Variants in ADGRL3 observed in about 807,000 individuals in gnomAD.
ADGRL3 encodes calcium-independent alpha-latrotoxin receptor 3.
A neutral mutation model predicts 153.5 loss-of-function variants in ADGRL3; 62 were observed. That is an observed-to-expected ratio of 0.40 (90% CI 0.33 to 0.50). The LOEUF (loss-of-function observed/expected upper bound fraction) is 0.50. Among genes scored for constraint, ADGRL3 ranks in the 20% least tolerant of loss-of-function variants. ADGRL3 has a pLI of 0.47. For synonymous variants in ADGRL3, 710 were observed against 672.5 expected, an observed-to-expected ratio of 1.06 and a Z score of -0.86; for missense variants, 1,641 against 1,859.4, an observed-to-expected ratio of 0.88 and a Z score of 2.16.
In ADGRL3 at chr4:62,071,727, C is replaced by G; in HGVS notation, c.*819C>G. 1 of 419,246 alleles carries G rather than the reference C, an allele frequency of 2.4e-6. No homozygotes were observed. Among genetic ancestry groups the G allele is most frequent in the South Asian group, 1.8e-5 (1 of 55,816 alleles). The allele number at this position is 419,246 out of a possible 1,614,324, so 26.0% of individuals were successfully genotyped here. On this transcript the variant is annotated 3_prime_UTR_variant, in exon 27 of 27. Transcript: ENST00000683033. ...GAGCAAAGTTTCCTTCCTTTCTTCT[C>G]TTTCTTCATTTTCTTTTTTTCTTTT...
chr4:61,436,872 A>G (rs7680276), intron 2 of ADGRL3, among the ~76,000 whole-genome samples: 25,635 of 124,334 alleles, frequency 0.21, 2,309 homozygotes, highest in Middle Eastern at 0.3. Context: ...ATGCTTTTAA[A>G]TGTGTGGTAC....
chr4:61,331,809 A>T (rs564570523), intron 1 of ADGRL3, among the ~76,000 whole-genome samples: 2 of 152,040 alleles, frequency 1.3e-5, no homozygotes, highest in Admixed American at 6.6e-5. Flanking sequence ...ACATTACGGT[A>T]TAGTCATTTT....
chr4:61,749,643 G>A (rs1580613286), intron 8 of ADGRL3, among the ~76,000 whole-genome samples: 2 of 152,024 alleles, frequency 1.3e-5, no homozygotes, highest in East Asian at 3.9e-4. Flanking sequence ...CTCATTCATA[G>A]GTGGGAATTG....
chr4:61,742,590 A>C (rs1232097085), intron 8 of ADGRL3, among the ~76,000 whole-genome samples: 1 of 152,016 alleles, frequency 6.6e-6, no homozygotes, highest in Non-Finnish European at 1.5e-5. Context: ...TGTTTTTAGC[A>C]TTTTTAAGTA....
At chr4:62,046,023 A>T (rs535006041) in intron 25 of ADGRL3, among the ~76,000 whole-genome samples, 78 of 152,102 alleles carry the variant, frequency 5.1e-4, no homozygotes, top group African/African-American at 1.8e-3. Flanking sequence ...AGAACAAATT[A>T]CTTACAAACG....
At chr4:61,682,002 T>C (rs1424512562) in intron 6 of ADGRL3, among the ~76,000 whole-genome samples, 1 of 152,016 alleles carries the variant, frequency 6.6e-6, no homozygotes, top group Non-Finnish European at 1.5e-5. Context: ...GTCAAATGGC[T>C]TCTCCAAAAG....
intron 1 of ADGRL3, among the ~76,000 whole-genome samples, chr4:61,293,875 G>A (rs2094313436): frequency 6.6e-6 from 1 of 152,096 alleles, no homozygotes; most frequent in Non-Finnish European, 1.5e-5. Flanking sequence ...CACTCTGCCA[G>A]TTTCTCCACT....
chr4:61,757,991 A>C (rs1026070173), intron 8 of ADGRL3, among the ~76,000 whole-genome samples: 1 of 152,054 alleles, frequency 6.6e-6, no homozygotes. Context: ...AGAGACAGTT[A>C]GTTATAATTT....
chr4:61,869,765 C>A (rs2098425760), intron 9 of ADGRL3, among the ~76,000 whole-genome samples: 1 of 150,138 alleles, frequency 6.7e-6, no homozygotes, highest in Non-Finnish European at 1.5e-5. Flanking sequence ...ATGGAGAAAC[C>A]CCGTCTCTAC....
chr4:61,802,688 C>T (rs2097512440), intron 8 of ADGRL3, among the ~76,000 whole-genome samples: 1 of 151,986 alleles, frequency 6.6e-6, no homozygotes. Flanking sequence ...GAGAGTAAGC[C>T]CTTCCCCAAA....
At chr4:61,652,366 A>G (rs2094291278) in intron 5 of ADGRL3, among the ~76,000 whole-genome samples, 1 of 152,192 alleles carries the variant, frequency 6.6e-6, no homozygotes, top group African/African-American at 2.4e-5. Context: ...TATTGTTGAA[A>G]CCATCATGAA....
chr4:61,789,385 C>G (rs2097314470), intron 8 of ADGRL3, among the ~76,000 whole-genome samples: 1 of 152,114 alleles, frequency 6.6e-6, no homozygotes, highest in Non-Finnish European at 1.5e-5. Flanking sequence ...ATATGACACA[C>G]TTGAAGACAG....
At chr4:61,300,462 C>T (rs2094543938) in intron 1 of ADGRL3, among the ~76,000 whole-genome samples, 1 of 152,170 alleles carries the variant, frequency 6.6e-6, no homozygotes, top group Admixed American at 6.5e-5. Flanking sequence ...TTAGATTGCT[C>T]TGCCTTGGAT....
chr4:61,476,663 C>G (rs1302382556), intron 2 of ADGRL3, among the ~76,000 whole-genome samples: 2 of 118,280 alleles, frequency 1.7e-5, no homozygotes, highest in African/African-American at 6.5e-5. Context: ...GAGCCAAGAT[C>G]ATGCCACTGC....
intron 17 of ADGRL3, among the ~76,000 whole-genome samples, chr4:61,969,670 C>A (rs2099019758): frequency 6.6e-6 from 1 of 152,062 alleles, no homozygotes; most frequent in African/African-American, 2.4e-5. Flanking sequence ...CAGGCAAGAT[C>A]AAAGAGGAGC....
rs529104441 is a variant in ADGRL3 at position 61,274,562 on chromosome 4, T to TA, written c.-240+72803dup. 1.1e-4 allele frequency among the ~76,000 whole-genome samples: 17 copies of TA among 152,262 alleles called. No individual in the cohort carries two copies. In the East Asian group the frequency reaches 3.1e-3, roughly 28 times the overall value. ...TAACTATATTTACCAGAATGTGATT[T>TA]AAAAAACAACATATTAAGGGTTAAA... On this transcript the variant is annotated intron_variant, in intron 1 of 26. Coordinates refer to ENST00000683033, the MANE Select transcript of ADGRL3 (RefSeq NM_001387552.1).
chr4:61,765,046 A>G (rs1056497195), intron 8 of ADGRL3, among the ~76,000 whole-genome samples: 1 of 152,170 alleles, frequency 6.6e-6, no homozygotes, highest in African/African-American at 2.4e-5. Flanking sequence ...ATATCTGATT[A>G]GAGAGTGCCT....
At chr4:61,271,502 T>G (rs2093177921) in intron 1 of ADGRL3, among the ~76,000 whole-genome samples, 1 of 151,976 alleles carries the variant, frequency 6.6e-6, no homozygotes, top group Non-Finnish European at 1.5e-5. Flanking sequence ...TGAGATTGAT[T>G]TTGTAGCATT....
chr4:61,541,842 T>TATAC (rs1488629537), intron 4 of ADGRL3, among the ~76,000 whole-genome samples: 1 of 146,478 alleles, frequency 6.8e-6, no homozygotes, highest in Non-Finnish European at 1.5e-5. Flanking sequence ...TGTGTGTGTA[T>TATAC]ACACACACAC....
Sources: allele counts gnomAD v4.1 joint callset (sites outside exome capture counted in the v4.1 genomes callset), GRCh38; gene constraint gnomAD v4.1.1; transcripts MANE v1.5; gene names NCBI Gene and HGNC (gene_info 2026-07-23, HGNC 2026-07-21).